IMPG1: variants seen among roughly 807,000 people sequenced by gnomAD.
IMPG1 encodes the protein interphotoreceptor matrix proteoglycan of 150 kDa.
A neutral mutation model predicts 92.0 loss-of-function variants in IMPG1; 85 were observed. The observed-to-expected ratio is 0.92, with a 90% confidence interval of 0.78 to 1.11. IMPG1 has a LOEUF of 1.11. Among genes scored for constraint, IMPG1 ranks in the 50% least tolerant of loss-of-function variants. IMPG1 has a pLI of 0.00. For missense variants in IMPG1, 1,022 were observed against 956.0 expected (o/e 1.07, Z -0.91); for synonymous variants, 367 against 334.1 (o/e 1.10, Z -1.08).
chr6:75,968,603 C>T (rs1218956869), intron 12 of IMPG1, among the ~76,000 whole-genome samples: 5 of 150,900 alleles, frequency 3.3e-5, no homozygotes, highest in Non-Finnish European at 7.4e-5. Context: ...CTTTCTCCAT[C>T]ATTTACTATT....
intron 1 of IMPG1, among the ~76,000 whole-genome samples, 192 bp downstream of exon 1, chr6:76,072,230 T>C (rs1227049727): frequency 6.6e-6 from 1 of 152,158 alleles, no homozygotes; most frequent in Non-Finnish European, 1.5e-5. Context: ...CTTAAGACCA[T>C]GTAGTAAATA....
chr6:75,998,532 G>C (rs986731793), intron 12 of IMPG1, among the ~76,000 whole-genome samples: 3 of 152,232 alleles, frequency 2.0e-5, no homozygotes, highest in Admixed American at 2.0e-4. Flanking sequence ...CAATAGTACA[G>C]TAGCTCTGCT....
At chr6:75,977,359 G>A (rs188065467) in intron 12 of IMPG1, among the ~76,000 whole-genome samples, 2 of 152,136 alleles carry the variant, frequency 1.3e-5, no homozygotes, top group East Asian at 1.9e-4. Flanking sequence ...AGGCTGAGGC[G>A]GGCAGATCAA....
intron 12 of IMPG1, among the ~76,000 whole-genome samples, chr6:76,001,256 T>C (rs1006335619): frequency 7.2e-5 from 11 of 152,246 alleles, no homozygotes; most frequent in Non-Finnish European, 1.0e-4. Flanking sequence ...AGTTTTATGA[T>C]AGAATGAAAG....
intron 15 of IMPG1, among the ~76,000 whole-genome samples, chr6:75,928,203 C>CT (rs1263090302): frequency 2.7e-5 from 4 of 148,890 alleles, no homozygotes; most frequent in Non-Finnish European, 4.5e-5. Context: ...TTCTTTCTTT[C>CT]TTTCTTTTTT....
At chr6:75,940,944 T>C (rs759909847) in intron 14 of IMPG1, among the ~76,000 whole-genome samples, 4 of 152,218 alleles carry the variant, frequency 2.6e-5, no homozygotes, top group Admixed American at 2.6e-4. Context: ...ACTGTCTGTA[T>C]ATGCCTGCTA....
chr6:75,922,315 T>A, intron 16 of IMPG1, 149 bp from the exon 17 acceptor site: 1 of 563,706 alleles, frequency 1.8e-6, no homozygotes, highest in South Asian at 2.0e-5. Flanking sequence ...CCTCAAAATA[T>A]TCTTAACTTT....
intron 12 of IMPG1, among the ~76,000 whole-genome samples, chr6:75,962,848 C>G (rs567514210): frequency 5.4e-4 from 82 of 152,030 alleles, no homozygotes; most frequent in African/African-American, 1.9e-3. Context: ...TGAGACCAGC[C>G]CGGCCAACAT....
At chr6:75,955,296 TGGTTTATA>T (rs1782098657) in intron 12 of IMPG1, among the ~76,000 whole-genome samples, 1 of 152,190 alleles carries the variant, frequency 6.6e-6, no homozygotes, top group Non-Finnish European at 1.5e-5. Flanking sequence ...CCTTGAGCAG[TGGTTTATA>T]GTTCACCTTG....
intron 1 of IMPG1, among the ~76,000 whole-genome samples, chr6:76,065,182 G>T (rs1784288669): frequency 6.6e-6 from 1 of 152,088 alleles, no homozygotes; most frequent in South Asian, 2.1e-4. Flanking sequence ...TGAAAAAACA[G>T]AGGGTTACAG....
chr6:75,947,868 AAAC>A (rs915366773), intron 13 of IMPG1, among the ~76,000 whole-genome samples: 2 of 152,170 alleles, frequency 1.3e-5, no homozygotes, highest in African/African-American at 4.8e-5. Flanking sequence ...AAAAAAAAAA[AAAC>A]CCAAGTAAAT....
rs974365414 is a variant in IMPG1, at chr6:76,029,813, G to A, written c.497+4502C>T. Reference sequence around the variant, plus strand: ...CTAAATTCTAGCAAGCATAACTATAGCTACCAGTTATCTTGGTGTGTCACA... The same window carrying A: ...CTAAATTCTAGCAAGCATAACTATAACTACCAGTTATCTTGGTGTGTCACA... On this transcript the variant is annotated intron_variant, in intron 4 of 16. Coordinates refer to ENST00000369950, the MANE Select transcript of IMPG1 (RefSeq NM_001563.4). Among the ~76,000 whole-genome samples, 4 of 152,158 alleles carry A rather than the reference G, an allele frequency of 2.6e-5. No individual in the cohort carries two copies. The South Asian group carries it at 8.3e-4, about 32-fold the overall frequency.
intron 4 of IMPG1, among the ~76,000 whole-genome samples, chr6:76,031,112 G>A (rs879817905): frequency 7.2e-5 from 11 of 152,216 alleles, no homozygotes; most frequent in African/African-American, 1.2e-4. Context: ...GCTGTGGGAC[G>A]GACAAGGACC....
intron 1 of IMPG1, among the ~76,000 whole-genome samples, chr6:76,068,349 A>G (rs1218241461): frequency 6.6e-6 from 1 of 152,156 alleles, no homozygotes; most frequent in Non-Finnish European, 1.5e-5. Context: ...GGTTTGGGAT[A>G]CAAAATCAGC....
chr6:75,927,918 G>A (rs1781586564), intron 15 of IMPG1, among the ~76,000 whole-genome samples: 1 of 152,090 alleles, frequency 6.6e-6, no homozygotes, highest in Admixed American at 6.6e-5. Flanking sequence ...AGGAAGTAGA[G>A]CACCACCAAC....
rs778798120 is a variant in IMPG1 at position 76,018,863 on chromosome 6, GT to G, written c.667-6del. The stretch of plus-strand genomic sequence containing the variant: ...AGCGAATTCTGTTTCTCTTTCCTGA[GT>G]TTAAAAAAAAAAAAAAGGACTTCTG... On this transcript the variant is annotated splice_polypyrimidine_tract_variant and splice_region_variant and intron_variant, in intron 6 of 16. Coordinates refer to ENST00000369950, the MANE Select transcript of IMPG1 (RefSeq NM_001563.4). 8.6e-6 allele frequency: 13 copies of G among 1,512,820 alleles called. No individual in the cohort carries two copies. The highest frequency in any genetic ancestry group is 1.1e-5 in the Non-Finnish European group (12 of 1,128,054). The allele number at this position is 1,512,820 out of a possible 1,614,324, so 93.7% of individuals were successfully genotyped here.
intron 6 of IMPG1, among the ~76,000 whole-genome samples, chr6:76,021,741 T>C (rs112316700): frequency 1.4e-5 from 2 of 139,366 alleles, no homozygotes; most frequent in African/African-American, 5.2e-5. Flanking sequence ...AGCTTCATGA[T>C]TGATTGATTG....
rs1433546528 is a variant in IMPG1 at position 76,002,917 on chromosome 6, C to A, written c.1291+1G>T. 2 of 1,610,952 alleles carry A rather than the reference C, an allele frequency of 1.2e-6. No homozygotes were observed. Among genetic ancestry groups the A allele is most frequent in the Non-Finnish European group, 1.7e-6 (2 of 1,177,284 alleles). On this transcript the variant is annotated splice_donor_variant, in intron 12 of 16. Transcript: ENST00000369950. LOFTEE classifies it high-confidence loss of function. ...CATAGACTTTGTGAGGGGAAACTTA[C>A]CAGGTAGACCATGCTCTGCTCCGTC...
At chr6:76,019,293 G>A (rs1288920666) in intron 6 of IMPG1, among the ~76,000 whole-genome samples, 2 of 152,208 alleles carry the variant, frequency 1.3e-5, no homozygotes, top group Non-Finnish European at 2.9e-5. Flanking sequence ...AGGACACAGA[G>A]CAAGCCCAGA....
Sources: gnomAD v4.1 joint callset for allele counts (sites outside exome capture counted in the v4.1 genomes callset) on GRCh38, gnomAD v4.1.1 for gene constraint, MANE v1.5 for transcripts, NCBI Gene and HGNC (gene_info 2026-07-23, HGNC 2026-07-21) for gene names.